PWWP2A: variants seen among roughly 807,000 people sequenced by gnomAD.
PWWP2A encodes the protein PWWP domain-containing protein 2A.
Under a neutral mutation model 48.5 loss-of-function variants are expected in PWWP2A, and 18 were observed. That is an observed-to-expected ratio of 0.37 (90% CI 0.26 to 0.55). The LOEUF is 0.55. PWWP2A is among the 20% of genes least tolerant of loss of function. PWWP2A has a pLI of 0.81. For missense variants in PWWP2A, 867 were observed against 976.4 expected (o/e 0.89, Z 1.49); for synonymous variants, 396 against 387.7 (o/e 1.02, Z -0.25).
chr5:160,065,985 A>T lies in PWWP2A; in HGVS notation c.*236+563T>A, dbSNP rs777920597. 6.5e-4 allele frequency among the ~76,000 whole-genome samples: 99 copies of T among 152,232 alleles called. 3 individuals carry two copies. Among genetic ancestry groups the T allele is most frequent in the Admixed American group, 1.1e-3 (17 of 15,284 alleles). On this transcript the variant is annotated intron_variant and NMD_transcript_variant, in intron 4 of 5. Coordinates refer to the PWWP2A transcript ENST00000524050. The stretch of plus-strand genomic sequence containing the variant: ...CTCTGGTTTGAGTCTCAAAAGCTTG[A>T]CATGCAAGTTTCATCTTGGATGTAA...
In PWWP2A at chr5:160,093,859, G is replaced by A. The variant is rs1426274854; in HGVS notation, c.791C>T (p.Pro264Leu). 1 of 1,614,062 alleles carries A rather than the reference G, an allele frequency of 6.2e-7. No individual in the cohort carries two copies. The highest frequency in any genetic ancestry group is 1.7e-5 in the Admixed American group (1 of 60,026). ...AESLWTSKPP[P>L]LFHEGAPYPP... ...ATAAGGTGCTCCTTCATGGAAGAGA[G>A]GTGGTGGTTTGGAAGTCCACAGGCT... is the stretch of plus-strand genomic sequence containing the variant. The change falls in exon 2 of 2, where the codon CCT becomes CTT. Residue 264 changes from proline to leucine, a missense_variant. Pro to Leu is a moderately conservative substitution (Grantham distance 98). This residue lies in a region of PWWP2A where 385 missense variants were observed against 396.9 expected (regional missense o/e 0.97). Coordinates refer to ENST00000307063, the MANE Select transcript of PWWP2A (RefSeq NM_001130864.2). The surrounding 1 kb of genome is among the most constrained non-coding windows in gnomAD (Gnocchi z 5.8).
At chr5:160,071,776 C>T (rs1753744508), downstream of PWWP2A, among the ~76,000 whole-genome samples, 1 of 152,158 alleles carries the variant, frequency 6.6e-6, no homozygotes, top group Non-Finnish European at 1.5e-5. Flanking sequence ...GAGCCTGCAG[C>T]TGATGGTCGC....
In PWWP2A at chr5:160,077,491, T is replaced by C. The variant is rs1156420151; in HGVS notation, c.*664A>G. On this transcript the variant is annotated 3_prime_UTR_variant, in exon 4 of 4. Coordinates refer to the PWWP2A transcript ENST00000456329. This position sits in a 1 kb window ranked among gnomAD's most constrained non-coding sequence, Gnocchi z 4.2. ...CTAGTGGCAAATAAATATATCTTAA[T>C]ATGTTCTAACAAGCAAACATATATT... 2 of 152,240 alleles carry C rather than the reference T, an allele frequency of 1.3e-5. No individual in the cohort carries two copies. The highest frequency in any genetic ancestry group is 6.5e-5 in the Admixed American group (1 of 15,284). 9.4% of individuals were successfully genotyped at this position (152,240 alleles called of 1,614,324 possible).
intron 4 of PWWP2A, among the ~76,000 whole-genome samples, chr5:160,064,622 C>G (rs1753544078): frequency 6.6e-6 from 1 of 152,162 alleles, no homozygotes; most frequent in African/African-American, 2.4e-5. Flanking sequence ...ACCCCAGAAG[C>G]CTGTGTCCTC....
At chr5:160,097,203 G>C (rs1004126731) in intron 1 of PWWP2A, among the ~76,000 whole-genome samples, 3 of 151,766 alleles carry the variant, frequency 2.0e-5, no homozygotes, top group African/African-American at 7.3e-5. Flanking sequence ...CTGGTGTGGG[G>C]GTATGTACCT....
At chr5:160,107,838 T>C (rs1298364857) in intron 1 of PWWP2A, among the ~76,000 whole-genome samples, 1 of 152,060 alleles carries the variant, frequency 6.6e-6, no homozygotes, top group African/African-American at 2.4e-5. Context: ...CTGTCTCTAC[T>C]AAAAATACAA....
At chr5:160,080,583 C>A in intron 3 of PWWP2A, 1 of 1,368,460 alleles carries the variant, frequency 7.3e-7, no homozygotes, top group South Asian at 1.8e-5. Context: ...GCCTAATCTA[C>A]TTCAGGAATG....
chr5:160,049,356 G>T, the PWWP2A span, among the ~76,000 whole-genome samples: 2 of 152,060 alleles, frequency 1.3e-5, no homozygotes, highest in African/African-American at 4.8e-5. Flanking sequence ...TTACTATCTT[G>T]CTCTTTATAG....
intron 1 of PWWP2A, among the ~76,000 whole-genome samples, chr5:160,108,261 A>T (rs1757103167): frequency 6.6e-6 from 1 of 152,184 alleles, no homozygotes; most frequent in Non-Finnish European, 1.5e-5. Flanking sequence ...ATCACTTCTG[A>T]AAAAGATCAT....
chr5:160,044,643 G>T, the PWWP2A span, among the ~76,000 whole-genome samples: 2 of 152,192 alleles, frequency 1.3e-5, no homozygotes, highest in East Asian at 3.8e-4. Context: ...ATGACCAGAG[G>T]TCACTTCCAT....
At chr5:160,048,651 A>G in the PWWP2A span, among the ~76,000 whole-genome samples, 1 of 152,196 alleles carries the variant, frequency 6.6e-6, no homozygotes, top group South Asian at 2.1e-4. Context: ...TTAACTAGAA[A>G]TATAATCTTA....
At chr5:160,103,400 C>T (rs1339102818) in intron 1 of PWWP2A, among the ~76,000 whole-genome samples, 1 of 152,044 alleles carries the variant, frequency 6.6e-6, no homozygotes, top group African/African-American at 2.4e-5. Flanking sequence ...CAGTGAGACC[C>T]CCATCTCTTA....
chr5:160,112,650 A>C (rs1757707897), intron 1 of PWWP2A, among the ~76,000 whole-genome samples: 1 of 152,256 alleles, frequency 6.6e-6, no homozygotes, highest in African/African-American at 2.4e-5. Context: ...AAAGGAGGAC[A>C]TAACAAACCA....
Position 160,093,139 on chromosome 5 carries a change from G to C in PWWP2A, c.1511C>G (p.Pro504Arg). Reference protein sequence around the residue: ...LEKMRSGKMAPKPQSRCTSTR... With the variant: ...LEKMRSGKMARKPQSRCTSTR... ...AGAGGTGCAGCGAGACTGGGGCTTG[G>C]GTGCCATCTTGCCACTCCGCATTTT... is the stretch of plus-strand genomic sequence containing the variant. The change falls in exon 2 of 2, where the codon CCC (proline) becomes CGC (arginine). Residue 504 changes from proline (P) to arginine (R), a missense_variant. Pro to Arg is a moderately radical substitution (Grantham distance 103, BLOSUM62 -2). Coordinates refer to ENST00000307063, the MANE Select transcript of PWWP2A (RefSeq NM_001130864.2). The surrounding 1 kb of genome is among the most constrained non-coding windows in gnomAD (Gnocchi z 5.8). The C allele has an allele frequency of 6.2e-7, 1 of 1,613,770 alleles. No individual in the cohort carries two copies. The highest frequency in any genetic ancestry group is 2.2e-5 in the East Asian group (1 of 44,864).
the PWWP2A span, among the ~76,000 whole-genome samples, chr5:160,051,659 A>G: frequency 3.4e-4 from 51 of 152,224 alleles, no homozygotes; most frequent in Non-Finnish European, 4.7e-4. Flanking sequence ...AGGAGTAAAG[A>G]GAAATCAGAC....
intron 1 of PWWP2A, chr5:160,116,813 C>T: frequency 1.0e-6 from 1 of 984,904 alleles, no homozygotes; most frequent in Non-Finnish European, 1.2e-6. Context: ...TCAGTAGAGG[C>T]CGGGCGAGGT....
chr5:160,048,094 G>C, the PWWP2A span, among the ~76,000 whole-genome samples: 711 of 115,640 alleles, frequency 6.1e-3, 4 homozygotes, highest in African/African-American at 0.022. Flanking sequence ...TAGATTATGA[G>C]AAAAGAAAAA....
intron 1 of PWWP2A, among the ~76,000 whole-genome samples, chr5:160,109,822 A>AT (rs371738506): frequency 7.0e-5 from 8 of 114,134 alleles, no homozygotes; most frequent in South Asian, 2.8e-4. Context: ...ATAATATAAT[A>AT]ATATATATAT....
At chr5:160,117,466 C>T (rs1024145254) in intron 1 of PWWP2A, among the ~76,000 whole-genome samples, 9 of 152,074 alleles carry the variant, frequency 5.9e-5, no homozygotes, top group African/African-American at 2.2e-4. Context: ...ACCAGCCTGG[C>T]CAACATGGTG....
Sources: allele counts gnomAD v4.1 joint callset (sites outside exome capture counted in the v4.1 genomes callset), GRCh38; gene constraint gnomAD v4.1.1; regional missense constraint gnomAD v4.1.1; non-coding constraint Gnocchi (gnomAD v3.1); transcripts MANE v1.5; gene names NCBI Gene and HGNC (gene_info 2026-07-23, HGNC 2026-07-21).